UBR4: variants seen among roughly 807,000 people sequenced by gnomAD.
UBR4 encodes ubiquitin protein ligase E3 component n-recognin 4.
A neutral mutation model predicts 575.6 loss-of-function variants in UBR4; 124 were observed. The ratio of observed to expected loss-of-function variants is 0.22; its 90% CI spans 0.19 to 0.25. The LOEUF is 0.25. UBR4 is among the 10% of genes least tolerant of loss of function. The probability of loss-of-function intolerance (pLI) is 1.00; values close to 1 mark genes in which losing one functional copy is unlikely to be tolerated. For synonymous variants in UBR4, 2,455 were observed against 2,473.7 expected (o/e 0.99, Z 0.22); for missense variants, 4,818 against 6,478.8 (o/e 0.74, Z 8.80).
At chr1:19,084,480 GC>G (rs2076820016) in intron 102 of UBR4, 23 bp downstream of exon 102, 1 of 1,580,446 alleles carries the variant, frequency 6.3e-7, no homozygotes, top group South Asian at 1.1e-5. Context: ...GCGAGATGCC[GC>G]CCCTGGGACA....
chr1:19,156,118 T>C (rs977157898), intron 42 of UBR4, among the ~76,000 whole-genome samples, 153 bp downstream of exon 42: 1 of 152,166 alleles, frequency 6.6e-6, no homozygotes, highest in Non-Finnish European at 1.5e-5. Flanking sequence ...CAAGTAATTC[T>C]CCACCTCAGC....
intron 77 of UBR4, 97 bp downstream of exon 77, chr1:19,113,602 C>T: frequency 1.3e-6 from 2 of 1,553,764 alleles, no homozygotes; most frequent in East Asian, 2.3e-5. Flanking sequence ...AACACCAAGA[C>T]CTGGACTGCT....
intron 14 of UBR4, among the ~76,000 whole-genome samples, chr1:19,185,573 C>CTT (rs3068081): frequency 5.5e-4 from 71 of 128,602 alleles, no homozygotes; most frequent in African/African-American, 1.8e-3. Context: ...TTTCTTTTTT[C>CTT]TTTTTTTTTT....
At chr1:19,199,236 G>A (rs2092625737) in intron 3 of UBR4, among the ~76,000 whole-genome samples, 1 of 152,102 alleles carries the variant, frequency 6.6e-6, no homozygotes. Flanking sequence ...TAATAACCCA[G>A]AGCCAAATAG....
At position 19,088,958 on chromosome 1, in the gene UBR4, G is replaced by C. The variant is rs1203499589; in HGVS notation, c.14231C>G (p.Ser4744Cys). ...CTCCAGCTTATGCAGGTTCGGGATG[G>C]AATCAGTTCCAATCAGAACCTGCCA... ...PGTQVLIGTD[S>C]IPNLHKLEQV... is the part of the protein sequence containing the mutation. Residue 4744 changes from serine (S) to cysteine (C), a missense_variant, in exon 98 of 106, where the codon TCC becomes TGC. Ser to Cys is a moderately radical substitution (Grantham distance 112). This residue lies in a region of UBR4 where 196 missense variants were observed against 386.8 expected (regional missense o/e 0.51). Transcript: ENST00000375254. This position sits in a 1 kb window ranked among gnomAD's most constrained non-coding sequence, Gnocchi z 4.0. The C allele has an allele frequency of 6.2e-7, 1 of 1,614,020 alleles. No homozygotes were observed. The highest frequency in any genetic ancestry group is 1.3e-5 in the African/African-American group (1 of 74,924).
At chr1:19,082,886 A>G (rs2076653415) in intron 102 of UBR4, among the ~76,000 whole-genome samples, 1 of 152,100 alleles carries the variant, frequency 6.6e-6, no homozygotes, top group Non-Finnish European at 1.5e-5. Flanking sequence ...CCATAAACAA[A>G]TATTCCACCA....
chr1:19,128,447 C>G, intron 61 of UBR4, 129 bp from the exon 62 acceptor site: 1 of 768,810 alleles, frequency 1.3e-6, no homozygotes, highest in South Asian at 1.9e-5. Flanking sequence ...TCCATTATAG[C>G]GTTCTAAATT....
chr1:19,120,153 A>G, intron 69 of UBR4, 27 bp downstream of exon 69: 4 of 1,610,940 alleles, frequency 2.5e-6, no homozygotes, highest in Non-Finnish European at 3.4e-6. Flanking sequence ...ACCCTTGCAG[A>G]TCTGTCAAAC....
intron 20 of UBR4, 119 bp from the exon 21 acceptor site, chr1:19,175,152 C>T (rs1378940849): frequency 6.5e-6 from 6 of 919,848 alleles, no homozygotes; most frequent in Non-Finnish European, 9.5e-6. Context: ...ACAATATTGA[C>T]ATCTGGAGCC....
Position 19,190,312 on chromosome 1 carries a change from A to AAAAAAAATATATATATAT in UBR4, c.1394+1875_1394+1876insATATATATATATTTTTTT. ...TGCCTCAAAAAAAAAAAAAAAAAAAAATATATATATATATATATTTGTATG... is the reference window on the plus strand; with the variant it reads ...TGCCTCAAAAAAAAAAAAAAAAAAAAAAAAAAATATATATATATATATATATATATATATATTTGTATG... On this transcript the variant is annotated intron_variant, in intron 11 of 105. Transcript: ENST00000375254. Among the ~76,000 whole-genome samples, 350 of 79,662 alleles carry AAAAAAAATATATATATAT rather than the reference A, an allele frequency of 4.4e-3. 5 individuals are homozygous for AAAAAAAATATATATATAT. Among genetic ancestry groups the AAAAAAAATATATATATAT allele is most frequent in the East Asian group, 9.9e-3 (17 of 1,712 alleles). 52.3% of individuals were successfully genotyped at this position (79,662 alleles called of 152,430 possible).
chr1:19,123,181 G>A, intron 65 of UBR4, 121 bp from the exon 66 acceptor site: 2 of 1,068,360 alleles, frequency 1.9e-6, no homozygotes, highest in Non-Finnish European at 2.7e-6. Context: ...GCCGGGCACG[G>A]TGGCTCACAG....
rs573908781 is a variant in UBR4 at position 19,183,892 on chromosome 1, T to G, written c.2103A>C (p.Ser701=). 6.2e-7 allele frequency: 1 copy of G among 1,614,100 alleles called. No homozygotes were observed. The highest frequency in any genetic ancestry group is 1.7e-5 in the Admixed American group (1 of 60,018). ...GAGCTGCAGCAAACTCTTCATCTGA[T>G]GAACCTTAAAGACAAGTAGAAAAGC... ...KEVDKDGLKG[S]SDEEFAAALY... The change falls in exon 17 of 106, where the codon TCA becomes TCC. Residue 701 remains serine, a synonymous_variant. Transcript: ENST00000375254.
chr1:19,183,098 TTTGA>T (rs1381784798), intron 17 of UBR4, among the ~76,000 whole-genome samples: 1 of 152,202 alleles, frequency 6.6e-6, no homozygotes, highest in East Asian at 1.9e-4. Context: ...TCTCCTATAA[TTTGA>T]TTGATTCTTT....
At chr1:19,122,084 CT>C (rs2081241511) in intron 66 of UBR4, 72 bp from the exon 67 acceptor site, 1 of 1,471,050 alleles carries the variant, frequency 6.8e-7, no homozygotes, top group East Asian at 2.3e-5. Flanking sequence ...CACCTGCTGC[CT>C]GGAGCCATCT....
intron 28 of UBR4, 21 bp downstream of exon 28, chr1:19,168,006 G>A: frequency 1.3e-6 from 2 of 1,597,304 alleles, no homozygotes; most frequent in South Asian, 2.2e-5. Flanking sequence ...GAGTCCTTGG[G>A]GCTAGGTAGT....
chr1:19,145,000 G>T, intron 53 of UBR4, 93 bp from the exon 54 acceptor site: 1 of 1,451,664 alleles, frequency 6.9e-7, no homozygotes, highest in Non-Finnish European at 9.5e-7. Context: ...TTATCTCCAT[G>T]TAAAAGGTCA....
At position 19,139,914 on chromosome 1, in the gene UBR4, T is replaced by A. The variant is rs1570990690; in HGVS notation, c.8594-694A>T. Among the ~76,000 whole-genome samples, 1 of 151,904 alleles carries A rather than the reference T, an allele frequency of 6.6e-6. No individual in the cohort carries two copies. The highest frequency in any genetic ancestry group is 1.9e-4 in the East Asian group (1 of 5,162). On this transcript the variant is annotated intron_variant, in intron 58 of 105. Transcript: ENST00000375254. The surrounding 1 kb of genome is among the most constrained non-coding windows in gnomAD (Gnocchi z 4.2). ...GGAGGAAAATGCTGGATGAGATACA[T>A]GGGGGAGGAAAGCCAAGACAGCCAC... is the stretch of plus-strand genomic sequence containing the variant.
chr1:19,095,268 A>G (rs1036555728), intron 93 of UBR4, among the ~76,000 whole-genome samples: 1 of 152,132 alleles, frequency 6.6e-6, no homozygotes, highest in Admixed American at 6.5e-5. Flanking sequence ...TGTGTAGTCT[A>G]GACTGTTTAA....
chr1:19,084,820 A>G, intron 101 of UBR4, 122 bp from the exon 102 acceptor site: 2 of 923,566 alleles, frequency 2.2e-6, no homozygotes, highest in South Asian at 2.0e-5. Context: ...GCAAACGGAG[A>G]CAAGAATACA....
Sources: gnomAD v4.1 joint callset for allele counts (sites outside exome capture counted in the v4.1 genomes callset) on GRCh38, gnomAD v4.1.1 for gene constraint, gnomAD v4.1.1 regional missense constraint, Gnocchi (gnomAD v3.1) non-coding constraint, MANE v1.5 for transcripts, NCBI Gene and HGNC (gene_info 2026-07-23, HGNC 2026-07-21) for gene names.